PAX8: variants seen among roughly 807,000 people sequenced by gnomAD.
PAX8 encodes paired box protein Pax-8.
A neutral mutation model predicts 52.4 loss-of-function variants in PAX8; 15 were observed. That is an observed-to-expected ratio of 0.29 (90% CI 0.19 to 0.44). The LOEUF is 0.44. Among genes scored for constraint, PAX8 ranks in the 20% least tolerant of loss-of-function variants. PAX8 has a pLI of 1.00. For missense variants in PAX8, 554 were observed against 602.5 expected (o/e 0.92, Z 0.84); for synonymous variants, 284 against 249.7 (o/e 1.14, Z -1.29).
intron 10 of PAX8, among the ~76,000 whole-genome samples, chr2:113,221,528 G>A (rs181929608): frequency 2.0e-5 from 3 of 152,242 alleles, no homozygotes; most frequent in Non-Finnish European, 4.4e-5. Context: ...TCTGTAAAAT[G>A]GGCCAAATAA....
chr2:113,242,406 AGG>A (rs1238167338), intron 5 of PAX8, among the ~76,000 whole-genome samples: 4 of 151,984 alleles, frequency 2.6e-5, no homozygotes, highest in African/African-American at 4.8e-5. Flanking sequence ...TGAGCCCTGG[AGG>A]GGCTCAGGTC....
At chr2:113,277,800 C>G (rs1044518625) in intron 2 of PAX8, among the ~76,000 whole-genome samples, 14 of 152,198 alleles carry the variant, frequency 9.2e-5, no homozygotes, top group Admixed American at 5.9e-4. Flanking sequence ...CCGGACGCCC[C>G]GCGCGCGGCG....
At position 113,235,469 on chromosome 2, in the gene PAX8, CG is replaced by C. The variant is rs1558700308; in HGVS notation, c.1011del (p.Val339SerfsTer87). 6.2e-7 allele frequency: 1 copy of C among 1,612,718 alleles called. No individual in the cohort carries two copies. Among genetic ancestry groups the C allele is most frequent in the Non-Finnish European group, 8.5e-7 (1 of 1,179,370 alleles). On this transcript the variant is annotated frameshift_variant, in exon 9 of 12. Coordinates refer to ENST00000429538, the MANE Select transcript of PAX8 (RefSeq NM_003466.4). LOFTEE classifies it high-confidence loss of function. ...SAFLDLQQVG[S>X]GVPPFNAFPH... ...GGAAAGGCATTGAAGGGCGGGACCC[CG>C]GAGCCGACTTGCTGCAGATCCAAAA...
intron 6 of PAX8, 81 bp downstream of exon 6, chr2:113,241,927 G>A (rs1690882913): frequency 3.9e-6 from 6 of 1,549,226 alleles, no homozygotes; most frequent in Middle Eastern, 1.7e-4. Context: ...CATATCATAA[G>A]TGGAAGGGTT....
At chr2:113,237,037 GA>G in intron 7 of PAX8, 1 of 402,076 alleles carries the variant, frequency 2.5e-6, no homozygotes, top group Non-Finnish European at 4.6e-6. Context: ...GGGACCCACA[GA>G]ATGCAGGACG....
At chr2:113,224,345 G>A (rs192826302) in intron 10 of PAX8, among the ~76,000 whole-genome samples, 2 of 152,136 alleles carry the variant, frequency 1.3e-5, no homozygotes, top group East Asian at 1.9e-4. Flanking sequence ...CCAGGAGTTC[G>A]AGACCAGCCT....
chr2:113,238,135 T>C (rs1690525061), intron 7 of PAX8: 1 of 150,344 alleles, frequency 6.7e-6, no homozygotes, highest in East Asian at 2.0e-4. Context: ...AATGGTGCGA[T>C]CTTCGCTTAC....
At chr2:113,256,606 A>ATG (rs55936485) in intron 2 of PAX8, among the ~76,000 whole-genome samples, 3 of 141,118 alleles carry the variant, frequency 2.1e-5, no homozygotes, top group African/African-American at 7.8e-5. Context: ...TGGAATATAT[A>ATG]TGTGTGTGTG....
chr2:113,233,359 CAG>C (rs1254068131), intron 9 of PAX8, among the ~76,000 whole-genome samples: 1 of 150,216 alleles, frequency 6.7e-6, no homozygotes, highest in African/African-American at 2.4e-5. Context: ...GGGTGCCAGC[CAG>C]AAAGAAAATG....
rs112660228 is a variant in PAX8 at position 113,221,968 on chromosome 2, G to GA, written c.1190-1791dup. On this transcript the variant is annotated intron_variant, in intron 10 of 11. Transcript: ENST00000429538. ...GGGGGTAAAGAAGTAAAAAAGCAAA[G>GA]AAAAAAAAACCTAAGAAATAATCTA... 2.1e-4 allele frequency among the ~76,000 whole-genome samples: 31 copies of GA among 149,940 alleles called. No homozygotes were observed. The South Asian group carries it at 2.1e-3, about 10-fold the overall frequency.
chr2:113,236,744 C>T, intron 7 of PAX8, 23 bp from the exon 8 acceptor site: 1 of 1,547,066 alleles, frequency 6.5e-7, no homozygotes, highest in Non-Finnish European at 8.7e-7. Flanking sequence ...GAGAAGTCAG[C>T]GCACAGAGAC....
At chr2:113,272,385 G>A (rs1693520710) in intron 2 of PAX8, 1 of 152,134 alleles carries the variant, frequency 6.6e-6, no homozygotes, top group Admixed American at 6.5e-5. Context: ...CCAACGAAGG[G>A]GTCTAGAGGG....
chr2:113,263,139 G>A (rs1280568820), intron 2 of PAX8: 1 of 152,146 alleles, frequency 6.6e-6, no homozygotes. Flanking sequence ...CTTTCTAATA[G>A]CTTACCCTCT....
At chr2:113,224,700 G>C (rs1689450109) in intron 10 of PAX8, among the ~76,000 whole-genome samples, 1 of 151,920 alleles carries the variant, frequency 6.6e-6, no homozygotes, top group Non-Finnish European at 1.5e-5. Flanking sequence ...TGAGTGGAAA[G>C]ATAGATGACT....
chr2:113,274,922 A>C (rs1693696016), intron 2 of PAX8: 1 of 152,224 alleles, frequency 6.6e-6, no homozygotes, highest in Admixed American at 6.5e-5. Context: ...ATCTCAATAA[A>C]TTAGAGATTT....
Position 113,235,576 on chromosome 2 carries a change from T to A in PAX8, c.905A>T (p.His302Leu). The change falls in exon 9 of 12, where the codon CAC (histidine) becomes CTC (leucine). Residue 302 changes from histidine to leucine, a missense_variant. His to Leu is a moderately conservative substitution (Grantham distance 99, BLOSUM62 -3). This residue lies in a region of PAX8 where 445 missense variants were observed against 409.9 expected (regional missense o/e 1.09). Coordinates refer to ENST00000429538, the MANE Select transcript of PAX8 (RefSeq NM_003466.4). ...HQTYPVVADPHSPFAIKQETP... is the reference protein window; with the variant it reads ...HQTYPVVADPLSPFAIKQETP... ...TTCCTGCTTTATGGCGAAGGGTGAG[T>A]GAGGATCTGCCGGAGGGAGGGAGAC... The A allele has an allele frequency of 1.2e-6, 2 of 1,608,428 alleles. No individual in the cohort carries two copies. The highest frequency in any genetic ancestry group is 1.7e-6 in the Non-Finnish European group (2 of 1,176,598).
At chr2:113,242,824 A>G (rs1182083898) in intron 4 of PAX8, 46 bp from the exon 5 acceptor site, 1 of 1,472,482 alleles carries the variant, frequency 6.8e-7, no homozygotes, top group Admixed American at 1.7e-5. Context: ...AGGAGGAAAG[A>G]GAACTCATGG....
Position 113,236,516 on chromosome 2 carries a change from AGG to A in PAX8, c.898+83_898+84del. On this transcript the variant is annotated intron_variant, in intron 8 of 11. Transcript: ENST00000429538. ...ACAGCCCGCCTCTCCTCTCCAGGCC[AGG>A]GCCCCACACCTTCCGCCTGACAGCC... 3 of 1,437,416 alleles carry A rather than the reference AGG, an allele frequency of 2.1e-6. No homozygotes were observed. In the African/African-American group the frequency reaches 4.2e-5, roughly 20 times the overall value. The allele number at this position is 1,437,416 out of a possible 1,614,324, so 89.0% of individuals were successfully genotyped here.
At chr2:113,234,999 C>T (rs1690156207) in intron 9 of PAX8, among the ~76,000 whole-genome samples, 1 of 152,192 alleles carries the variant, frequency 6.6e-6, no homozygotes, top group South Asian at 2.1e-4. Context: ...TGGGACTGAC[C>T]CTTGGCCTTT....
Sources: allele counts gnomAD v4.1 joint callset (sites outside exome capture counted in the v4.1 genomes callset), GRCh38; gene constraint gnomAD v4.1.1; regional missense constraint gnomAD v4.1.1; transcripts MANE v1.5; gene names NCBI Gene and HGNC (gene_info 2026-07-23, HGNC 2026-07-21).